The following SIGLEC7 variants were observed in gnomAD, a reference collection of about 807,000 sequenced individuals.
SIGLEC7 encodes the protein sialic acid-binding Ig-like lectin 7.
Under a neutral mutation model 40.8 loss-of-function variants are expected in SIGLEC7, and 33 were observed. The ratio of observed to expected loss-of-function variants is 0.81; its 90% confidence interval spans 0.61 to 1.08. The LOEUF (loss-of-function observed/expected upper bound fraction) is 1.08, where lower values mean the gene tolerates loss of function less well. Ranked by LOEUF, SIGLEC7 falls within the 50% of genes least tolerant of loss-of-function variation. The probability of loss-of-function intolerance (pLI) is 0.00; values close to 1 mark genes in which losing one functional copy is unlikely to be tolerated. For synonymous variants in SIGLEC7, 242 were observed against 237.6 expected (o/e 1.02, Z -0.17); for missense variants, 513 against 576.1 (o/e 0.89, Z 1.12).
At chr19:51,147,607 T>C (rs1026711836) in intron 6 of SIGLEC7, among the ~76,000 whole-genome samples, 1 of 152,176 alleles carries the variant, frequency 6.6e-6, no homozygotes, top group African/African-American at 2.4e-5. Flanking sequence ...TCCCTAAGAA[T>C]GGCTAGCATT....
At chr19:51,152,504 G>A (rs1282494971) in intron 6 of SIGLEC7, among the ~76,000 whole-genome samples, 1 of 152,212 alleles carries the variant, frequency 6.6e-6, no homozygotes. Flanking sequence ...CTTCCTAAGA[G>A]CAGGTGCCCC....
chr19:51,144,740 G>A, intron 2 of SIGLEC7, 56 bp downstream of exon 2: 1 of 1,593,744 alleles, frequency 6.3e-7, no homozygotes, highest in Non-Finnish European at 8.6e-7. Context: ...GTCCCTGAGG[G>A]CAGAGGATGG....
In SIGLEC7 at chr19:51,142,398, T is replaced by C. The variant is rs779113986; in HGVS notation, c.29T>C (p.Leu10Pro). MLLLLLLPLLWGRERVEGQK... is the reference protein window; with the variant it reads MLLLLLLPLPWGRERVEGQK... ...CTGCTGCTGCTGCTGCTGCCCCTGC[T>C]CTGGGGGAGGGAGAGGGTGGAAGGA... is the stretch of plus-strand genomic sequence containing the variant. Residue 10 changes from leucine to proline, a missense_variant, in exon 1 of 7, where the codon CTC becomes CCC. By Grantham distance (98) the Leu-to-Pro change is moderately conservative (BLOSUM62 -3). Coordinates refer to ENST00000317643, the MANE Select transcript of SIGLEC7 (RefSeq NM_014385.4). This position sits in a 1 kb window ranked among gnomAD's most constrained non-coding sequence, Gnocchi z 5.0. The C allele has an allele frequency of 6.2e-7, 1 of 1,613,962 alleles. No individual in the cohort carries two copies. The highest frequency in any genetic ancestry group is 1.1e-5 in the South Asian group (1 of 91,074).
In SIGLEC7 at chr19:51,149,221, A is replaced by G. The variant is rs75234044; in HGVS notation, c.1221+1904A>G. On this transcript the variant is annotated intron_variant, in intron 6 of 6. Transcript: ENST00000317643. ...TGATTGCTTTGGCATCTTTGTCAGG[A>G]AATCTTTGCCTGTTTATCCAGAACG... Among the ~76,000 whole-genome samples, 302 of 152,308 alleles carry G rather than the reference A, an allele frequency of 2.0e-3. 2 individuals carry two copies. Among genetic ancestry groups the G allele is most frequent in the African/African-American group, 6.7e-3 (280 of 41,564 alleles).
chr19:51,144,369 C>T (rs2092090975), intron 1 of SIGLEC7, 37 bp from the exon 2 acceptor site: 1 of 1,573,034 alleles, frequency 6.4e-7, no homozygotes, highest in African/African-American at 1.3e-5. Flanking sequence ...TACCATGGAT[C>T]CTCTGTCCTG....
intron 2 of SIGLEC7, 89 bp from the exon 3 acceptor site, chr19:51,144,823 G>T: frequency 7.0e-6 from 11 of 1,580,442 alleles, no homozygotes; most frequent in Non-Finnish European, 9.5e-6. Context: ...CGCTGGCTCC[G>T]CCTTCCCCAT....
chr19:51,150,793 A>C (rs1168777141), intron 6 of SIGLEC7, among the ~76,000 whole-genome samples: 1 of 152,176 alleles, frequency 6.6e-6, no homozygotes, highest in African/African-American at 2.4e-5. Context: ...GCACAGGAAG[A>C]GGAAAGGAGA....
At chr19:51,144,257 GA>G in intron 1 of SIGLEC7, 148 bp from the exon 2 acceptor site, 3 of 1,301,688 alleles carry the variant, frequency 2.3e-6, no homozygotes, top group Non-Finnish European at 3.2e-6. Context: ...GGGTGGCAGC[GA>G]AAGCCTGGGA....
At chr19:51,144,988 G>T (rs1443916599) in intron 3 of SIGLEC7, 29 bp downstream of exon 3, 1 of 1,607,228 alleles carries the variant, frequency 6.2e-7, no homozygotes, top group Non-Finnish European at 8.5e-7. Flanking sequence ...CCTGGGGCTG[G>T]GGGAGCAGGG....
chr19:51,146,678 G>A (rs1173793234), intron 4 of SIGLEC7, 76 bp from the exon 5 acceptor site: 6 of 1,281,950 alleles, frequency 4.7e-6, no homozygotes, highest in East Asian at 2.3e-5. Flanking sequence ...CAAGTTGGGG[G>A]CCTTATAGGA....
intron 6 of SIGLEC7, 192 bp from the exon 7 acceptor site, chr19:51,152,871 A>G: frequency 2.3e-6 from 1 of 438,070 alleles, no homozygotes; most frequent in East Asian, 3.3e-5. Context: ...ATAAGTGTTA[A>G]ATATTGCAGG....
chr19:51,151,922 G>C (rs954024815), intron 6 of SIGLEC7, among the ~76,000 whole-genome samples: 3 of 152,206 alleles, frequency 2.0e-5, no homozygotes, highest in Non-Finnish European at 4.4e-5. Flanking sequence ...GGGCTGCGAT[G>C]AAGGAGGACC....
At chr19:51,144,165 G>A (rs1312810114) in intron 1 of SIGLEC7, 2 of 743,222 alleles carry the variant, frequency 2.7e-6, no homozygotes, top group Admixed American at 1.9e-5. Flanking sequence ...CAGATAAGAT[G>A]GAATTACAAA....
chr19:51,143,818 C>T (rs539184141), intron 1 of SIGLEC7: 17 of 379,882 alleles, frequency 4.5e-5, no homozygotes, highest in South Asian at 3.2e-4. Flanking sequence ...AGCCTCATTT[C>T]CCCACAGCGT....
At chr19:51,146,163 C>T (rs1375596777) in intron 4 of SIGLEC7, 42 bp downstream of exon 4, 2 of 1,594,378 alleles carry the variant, frequency 1.3e-6, no homozygotes, top group Admixed American at 1.7e-5. Flanking sequence ...ACACCTGCCC[C>T]ACCCTCATGG....
Position 51,142,329 on chromosome 19 carries a change from A to ACAGAC in SIGLEC7, c.-40_-36dup, listed in dbSNP as rs2092072883. On this transcript the variant is annotated 5_prime_UTR_variant, in exon 1 of 7. Coordinates refer to ENST00000317643, the MANE Select transcript of SIGLEC7 (RefSeq NM_014385.4). The surrounding 1 kb of genome is among the most constrained non-coding windows in gnomAD (Gnocchi z 5.0). ...GTTCCTGAGAGAAGAACCCTGAGGA[A>ACAGAC]CAGACGTTCCCTCGCGGCCCTGGCA... is the stretch of plus-strand genomic sequence containing the variant. 1 of 1,594,436 alleles carries ACAGAC rather than the reference A, an allele frequency of 6.3e-7. No individual in the cohort carries two copies. Among genetic ancestry groups the ACAGAC allele is most frequent in the Non-Finnish European group, 8.5e-7 (1 of 1,170,112 alleles).
chr19:51,146,243 C>T, intron 4 of SIGLEC7, 122 bp downstream of exon 4: 1 of 1,320,694 alleles, frequency 7.6e-7, no homozygotes, highest in Non-Finnish European at 1.0e-6. Flanking sequence ...AGGCCTGGAA[C>T]TTCCCTGCAA....
rs771229132 is a variant in SIGLEC7, at chr19:51,142,722, C to A, written c.353C>A (p.Ala118Glu). 10 of 1,613,920 alleles carry A rather than the reference C, an allele frequency of 6.2e-6. No individual in the cohort carries two copies. Among genetic ancestry groups the A allele is most frequent in the Non-Finnish European group, 8.5e-6 (10 of 1,179,930 alleles). ...ATCAGAGATGCCAGAATGAGTGATG[C>A]GGGGAGATACTTCTTTCGTATGGAG... The part of the protein sequence containing the change: ...LSIRDARMSD[A>E]GRYFFRMEKG... Residue 118 changes from alanine (A) to glutamate (E), a missense_variant, in exon 1 of 7, where the codon GCG becomes GAG. Ala to Glu is a moderately radical substitution (Grantham distance 107, BLOSUM62 -1). Transcript: ENST00000317643. This position sits in a 1 kb window ranked among gnomAD's most constrained non-coding sequence, Gnocchi z 5.0.
At chr19:51,151,780 T>C (rs1359696577) in intron 6 of SIGLEC7, among the ~76,000 whole-genome samples, 1 of 152,218 alleles carries the variant, frequency 6.6e-6, no homozygotes, top group East Asian at 1.9e-4. Context: ...GTAGTCACAG[T>C]GACCTTGATA....
Sources: gnomAD v4.1 joint callset for allele counts (sites outside exome capture counted in the v4.1 genomes callset) on GRCh38, gnomAD v4.1.1 for gene constraint, Gnocchi (gnomAD v3.1) non-coding constraint, MANE v1.5 for transcripts, NCBI Gene and HGNC (gene_info 2026-07-23, HGNC 2026-07-21) for gene names.